Variants in CASQ2 observed in about 807,000 individuals in gnomAD.
CASQ2 encodes calsequestrin-2.
Under a neutral mutation model 46.5 loss-of-function variants are expected in CASQ2, and 49 were observed. The ratio of observed to expected loss-of-function variants is 1.05; its 90% confidence interval spans 0.84 to 1.34. CASQ2 has a LOEUF of 1.34. CASQ2 is among the 40% of genes most tolerant of loss of function. CASQ2 has a pLI of 0.00. For missense variants in CASQ2, 486 were observed against 481.3 expected (o/e 1.01, Z -0.09); for synonymous variants, 174 against 168.5 (o/e 1.03, Z -0.25).
chr1:115,736,648 A>G (rs1001990075), intron 4 of CASQ2, among the ~76,000 whole-genome samples: 2 of 152,164 alleles, frequency 1.3e-5, no homozygotes, highest in Admixed American at 6.5e-5. Context: ...AAAAAAAGCT[A>G]TATTCTTGAG....
At chr1:115,739,579 G>A (rs931884436) in intron 3 of CASQ2, among the ~76,000 whole-genome samples, 2 of 152,184 alleles carry the variant, frequency 1.3e-5, no homozygotes, top group South Asian at 2.1e-4. Context: ...AAAGGGCAAT[G>A]GGAAGCCAAA....
chr1:115,761,529 G>GAAGAAGAAGAAGAAGA (rs1557806976), intron 1 of CASQ2, among the ~76,000 whole-genome samples: 1 of 67,794 alleles, frequency 1.5e-5, no homozygotes, highest in Admixed American at 1.6e-4. Flanking sequence ...AGAAGAAGAA[G>GAAGAAGAAGAAGAAGA]AGTTCATAAA....
At chr1:115,719,614 G>T (rs1225738183) in intron 7 of CASQ2, among the ~76,000 whole-genome samples, 1 of 152,166 alleles carries the variant, frequency 6.6e-6, no homozygotes, top group Non-Finnish European at 1.5e-5. Context: ...GATTCAGCAT[G>T]CAGACCTGTA....
rs570599706 is a variant in CASQ2, at chr1:115,751,941, A to C, written c.235-7029T>G. Among the ~76,000 whole-genome samples the C allele has an allele frequency of 2.0e-5, 3 of 152,302 alleles. No individual in the cohort carries two copies. The South Asian group carries it at 6.2e-4, about 32-fold the overall frequency. ...TTAATACAATTGTCTTCAGCTCCGC[A>C]AAACATCAAGCTTATTCCTGGCTCA... is the stretch of plus-strand genomic sequence containing the variant. On this transcript the variant is annotated intron_variant, in intron 1 of 10. Coordinates refer to ENST00000261448, the MANE Select transcript of CASQ2 (RefSeq NM_001232.4).
chr1:115,765,728 C>T (rs540375293), intron 1 of CASQ2, among the ~76,000 whole-genome samples: 8 of 152,056 alleles, frequency 5.3e-5, no homozygotes, highest in African/African-American at 1.9e-4. Flanking sequence ...TGTCAGAAGC[C>T]GCCTTAAGCT....
chr1:115,729,622 A>G (rs947288439), intron 5 of CASQ2, among the ~76,000 whole-genome samples: 1 of 152,234 alleles, frequency 6.6e-6, no homozygotes, highest in African/African-American at 2.4e-5. Flanking sequence ...AGATAAGAAA[A>G]CTACAAAGTA....
intron 5 of CASQ2, among the ~76,000 whole-genome samples, chr1:115,727,632 C>T (rs1380157713): frequency 6.6e-6 from 1 of 152,190 alleles, no homozygotes; most frequent in Non-Finnish European, 1.5e-5. Context: ...GGTTGAAGTG[C>T]TGGCCCTACA....
chr1:115,734,515 C>G lies in CASQ2; in HGVS notation c.533-1541G>C, dbSNP rs746957913. Among the ~76,000 whole-genome samples the G allele has an allele frequency of 2.0e-5, 3 of 152,194 alleles. No individual in the cohort carries two copies. The South Asian group carries it at 6.2e-4, about 32-fold the overall frequency. ...ATTCAAAATGTGGCTTGACCTTTAGCCTCAGCCAAACAGCAGTTGTTTTCC... is the reference window on the plus strand; with the variant it reads ...ATTCAAAATGTGGCTTGACCTTTAGGCTCAGCCAAACAGCAGTTGTTTTCC... On this transcript the variant is annotated intron_variant, in intron 4 of 10. Coordinates refer to ENST00000261448, the MANE Select transcript of CASQ2 (RefSeq NM_001232.4).
chr1:115,707,084 A>G (rs13375028), intron 8 of CASQ2, among the ~76,000 whole-genome samples: 229 of 151,086 alleles, frequency 1.5e-3, no homozygotes, highest in Admixed American at 2.4e-3. Flanking sequence ...TGGTGGGATC[A>G]TAGCTCACAG....
chr1:115,744,518 G>A (rs1049898509), intron 2 of CASQ2, among the ~76,000 whole-genome samples: 4 of 152,204 alleles, frequency 2.6e-5, no homozygotes, highest in African/African-American at 9.6e-5. Flanking sequence ...GATAAGAGAA[G>A]CTGGACTTTT....
chr1:115,709,097 C>G (rs2101059866), intron 8 of CASQ2, among the ~76,000 whole-genome samples: 1 of 152,336 alleles, frequency 6.6e-6, no homozygotes, highest in East Asian at 1.9e-4. Context: ...GAGTGCAGAC[C>G]TGTTAAAATG....
intron 4 of CASQ2, among the ~76,000 whole-genome samples, chr1:115,734,870 T>C (rs906654660): frequency 6.6e-6 from 1 of 152,216 alleles, no homozygotes; most frequent in Non-Finnish European, 1.5e-5. Flanking sequence ...ATATCATCTG[T>C]CTTACAAAGA....
chr1:115,741,300 T>C (rs7554739), intron 2 of CASQ2, among the ~76,000 whole-genome samples: 108,139 of 152,156 alleles, frequency 0.71, 42,160 homozygotes, highest in Non-Finnish European at 0.88. Context: ...TGTCCACATG[T>C]TTATATGAAA....
chr1:115,751,336 G>A (rs1184509951), intron 1 of CASQ2, among the ~76,000 whole-genome samples: 2 of 152,068 alleles, frequency 1.3e-5, no homozygotes, highest in Non-Finnish European at 2.9e-5. Flanking sequence ...TCAGCTCCAA[G>A]GGCCTTGTGA....
intron 8 of CASQ2, among the ~76,000 whole-genome samples, chr1:115,705,774 CA>C (rs1181513788): frequency 1.3e-5 from 2 of 152,166 alleles, no homozygotes. Flanking sequence ...TTCTGATTTA[CA>C]GTTGGTTTCA....
rs151022661 is a variant in CASQ2 at position 115,758,117 on chromosome 1, C to T, written c.234+10191G>A. Reference sequence around the variant, plus strand: ...CACTGCTTACAAACATGAAGCAATCCCTTTCAGCTGCTCCTTGGCATACTG... The same window carrying T: ...CACTGCTTACAAACATGAAGCAATCTCTTTCAGCTGCTCCTTGGCATACTG... On this transcript the variant is annotated intron_variant, in intron 1 of 10. Transcript: ENST00000261448. Among the ~76,000 whole-genome samples the T allele has an allele frequency of 1.7e-3, 262 of 152,292 alleles. 1 individual carries two copies. The highest frequency in any genetic ancestry group is 6.1e-3 in the African/African-American group (254 of 41,558).
chr1:115,711,035 G>A (rs907968467), intron 8 of CASQ2, among the ~76,000 whole-genome samples: 7 of 152,206 alleles, frequency 4.6e-5, no homozygotes, highest in Non-Finnish European at 8.8e-5. Context: ...AGGCTCATGT[G>A]TCTCAGACCA....
intron 1 of CASQ2, among the ~76,000 whole-genome samples, chr1:115,749,169 A>T (rs181011137): frequency 7.9e-5 from 12 of 152,342 alleles, no homozygotes; most frequent in African/African-American, 2.4e-5. Flanking sequence ...AGATGTATTA[A>T]TAATAGTAAG....
At chr1:115,736,146 C>T (rs1202659694) in intron 4 of CASQ2, among the ~76,000 whole-genome samples, 4 of 138,968 alleles carry the variant, frequency 2.9e-5, no homozygotes, top group Admixed American at 7.5e-5. Context: ...CTGGGCAACA[C>T]GAGTGAAACT....
Sources: gnomAD v4.1 joint callset for allele counts (sites outside exome capture counted in the v4.1 genomes callset) on GRCh38, gnomAD v4.1.1 for gene constraint, MANE v1.5 for transcripts, NCBI Gene and HGNC (gene_info 2026-07-23, HGNC 2026-07-21) for gene names.